The following CCDC77 variants were observed in gnomAD, a reference collection of about 807,000 sequenced individuals.
The protein encoded by CCDC77 is coiled-coil domain-containing protein 77.
In CCDC77, 56 loss-of-function variants were observed where a neutral mutation model predicts 66.8. The observed-to-expected ratio is 0.84, with a 90% CI of 0.68 to 1.05. The LOEUF (loss-of-function observed/expected upper bound fraction) is 1.05, where lower values mean the gene tolerates loss of function less well. Ranked by LOEUF, CCDC77 falls within the 50% of genes least tolerant of loss-of-function variation. The pLI, the probability that CCDC77 is intolerant of heterozygous loss-of-function variation, is 0.00. For synonymous variants in CCDC77, 196 were observed against 195.2 expected, an observed-to-expected ratio of 1.00 and a Z score of -0.03; for missense variants, 570 against 576.8, an observed-to-expected ratio of 0.99 and a Z score of 0.12.
intron 4 of CCDC77, among the ~76,000 whole-genome samples, chr12:415,649 T>C (rs1226717542): frequency 6.6e-6 from 1 of 151,788 alleles, no homozygotes; most frequent in Admixed American, 6.6e-5. Flanking sequence ...TTTTTGTTTT[T>C]TGAGTTAGGG....
chr12:426,981 G>A (rs531347429), intron 5 of CCDC77, among the ~76,000 whole-genome samples: 1 of 151,932 alleles, frequency 6.6e-6, no homozygotes, highest in African/African-American at 2.4e-5. Flanking sequence ...AAACTGACTT[G>A]GGGCTGGTAA....
intron 5 of CCDC77, among the ~76,000 whole-genome samples, chr12:423,500 T>TTTTTTTTTG (rs1945471266): frequency 2.4e-5 from 2 of 83,774 alleles, no homozygotes; most frequent in Non-Finnish European, 4.6e-5. Context: ...TTTTGTTTTT[T>TTTTTTTTTG]TTTTTTTTTT....
Position 442,180 on chromosome 12 carries a change from T to C in CCDC77, c.*260T>C. 2.5e-6 allele frequency: 1 copy of C among 402,768 alleles called. No homozygotes were observed. The highest frequency in any genetic ancestry group is 4.4e-5 in the East Asian group (1 of 22,850). 24.9% of individuals were successfully genotyped at this position (402,768 alleles called of 1,614,324 possible). On this transcript the variant is annotated 3_prime_UTR_variant, in exon 13 of 13. Coordinates refer to ENST00000239830, the MANE Select transcript of CCDC77 (RefSeq NM_032358.4). The stretch of plus-strand genomic sequence containing the variant: ...GAATGACTTGGAGGCTTTCATTATT[T>C]ATCCTGTCTGTATTGACCGGTTTTT...
At chr12:412,649 G>A (rs1945135565) in intron 4 of CCDC77, among the ~76,000 whole-genome samples, 1 of 152,334 alleles carries the variant, frequency 6.6e-6, no homozygotes, top group Non-Finnish European at 1.5e-5. Context: ...TGGAATGGGT[G>A]TATGGATGTG....
upstream of CCDC77, among the ~76,000 whole-genome samples, chr12:399,391 C>T (rs556030342): frequency 1.3e-5 from 2 of 152,170 alleles, no homozygotes; most frequent in South Asian, 2.1e-4. Flanking sequence ...AGGCTGGTCT[C>T]GATCTCCTGA....
intron 5 of CCDC77, among the ~76,000 whole-genome samples, chr12:422,776 A>C (rs1945429475): frequency 1.3e-5 from 2 of 152,070 alleles, no homozygotes; most frequent in South Asian, 4.1e-4. Context: ...ATGTCTGGCT[A>C]ATTTTTTTTG....
upstream of CCDC77, among the ~76,000 whole-genome samples, chr12:398,332 G>A (rs1225106875): frequency 6.6e-6 from 1 of 152,146 alleles, no homozygotes; most frequent in East Asian, 1.9e-4. Flanking sequence ...TCTTCACCAG[G>A]AGTAGATTCC....
At chr12:409,991 C>G (rs1255648164) in intron 3 of CCDC77, among the ~76,000 whole-genome samples, 6 of 148,816 alleles carry the variant, frequency 4.0e-5, no homozygotes, top group Non-Finnish European at 8.9e-5. Context: ...GAGCAAGACT[C>G]CATCTCAAAA....
intron 1 of CCDC77, among the ~76,000 whole-genome samples, chr12:395,452 A>C (rs377487746): frequency 6.6e-6 from 1 of 152,184 alleles, no homozygotes; most frequent in African/African-American, 2.4e-5. Context: ...CTAAATGAAT[A>C]TCCAATCAGG....
chr12:402,419 G>A (rs1359502709), intron 1 of CCDC77, among the ~76,000 whole-genome samples: 2 of 152,178 alleles, frequency 1.3e-5, no homozygotes, highest in East Asian at 3.8e-4. Flanking sequence ...AGAAAAAGGA[G>A]GTGGTATTTA....
intron 5 of CCDC77, among the ~76,000 whole-genome samples, chr12:427,580 T>G (rs1008749323): frequency 2.0e-5 from 3 of 151,546 alleles, no homozygotes; most frequent in Non-Finnish European, 4.4e-5. Context: ...GTTCAAGTGA[T>G]TCTTGTGCTT....
At chr12:413,579 C>G (rs1280639410) in intron 4 of CCDC77, among the ~76,000 whole-genome samples, 2 of 151,152 alleles carry the variant, frequency 1.3e-5, no homozygotes, top group African/African-American at 4.9e-5. Flanking sequence ...CTTTCTTTTC[C>G]CAGTCACACT....
intron 1 of CCDC77, among the ~76,000 whole-genome samples, chr12:393,078 C>G (rs1267365476): frequency 1.3e-5 from 2 of 151,912 alleles, no homozygotes; most frequent in Non-Finnish European, 2.9e-5. Context: ...CAGCACCACA[C>G]AAATATGTAG....
At chr12:436,518 C>G (rs1378558754) in intron 9 of CCDC77, among the ~76,000 whole-genome samples, 1 of 152,096 alleles carries the variant, frequency 6.6e-6, no homozygotes, top group Non-Finnish European at 1.5e-5. Flanking sequence ...GCCATCGCGC[C>G]CGGTCTGCTA....
exon 1 of CCDC77, chr12:389,367 C>A (rs914600350): frequency 8.3e-6 from 5 of 601,244 alleles, no homozygotes; most frequent in African/African-American, 5.5e-5. Context: ...CGCAGCTGCA[C>A]GACGCCTGTG....
intron 9 of CCDC77, chr12:433,537 A>G (rs1181218328): frequency 8.2e-7 from 1 of 1,219,180 alleles, no homozygotes; most frequent in Non-Finnish European, 1.0e-6. Context: ...TGCTCCTTTT[A>G]ATCCATTTTG....
chr12:436,595 T>A (rs1317090154), intron 9 of CCDC77: 1 of 166,450 alleles, frequency 6.0e-6, no homozygotes, highest in Non-Finnish European at 1.2e-5. Flanking sequence ...ATTTTTATTT[T>A]TAGTATTTTT....
chr12:397,913 T>C (rs1293528550), upstream of CCDC77, among the ~76,000 whole-genome samples: 1 of 152,218 alleles, frequency 6.6e-6, no homozygotes, highest in African/African-American at 2.4e-5. Context: ...CCTGCAGTGC[T>C]GGGATTACAG....
intron 9 of CCDC77, among the ~76,000 whole-genome samples, chr12:436,489 G>T (rs1289092113): frequency 6.6e-6 from 1 of 151,994 alleles, no homozygotes; most frequent in Admixed American, 6.6e-5. Flanking sequence ...CTCCCAAAGT[G>T]TTGGGATTAC....
Sources: allele counts gnomAD v4.1 joint callset (sites outside exome capture counted in the v4.1 genomes callset), GRCh38; gene constraint gnomAD v4.1.1; transcripts MANE v1.5; gene names NCBI Gene and HGNC (gene_info 2026-07-23, HGNC 2026-07-21).